Variants in ATRNL1 observed in about 807,000 individuals in gnomAD.
ATRNL1 encodes the protein attractin like 1.
A neutral mutation model predicts 182.7 loss-of-function variants in ATRNL1; 95 were observed. The ratio of observed to expected loss-of-function variants is 0.52; its 90% CI spans 0.44 to 0.62. The LOEUF is 0.62. Among genes scored for constraint, ATRNL1 ranks in the 20% least tolerant of loss-of-function variants. The probability of loss-of-function intolerance (pLI) is 0.00; values close to 1 mark genes in which losing one functional copy is unlikely to be tolerated. For missense variants in ATRNL1, 1,471 were observed against 1,679.5 expected, an observed-to-expected ratio of 0.88 and a Z score of 2.17; for synonymous variants, 576 against 568.3, an observed-to-expected ratio of 1.01 and a Z score of -0.19.
chr10:115,610,418 T>A (rs1857096009), intron 26 of ATRNL1, among the ~76,000 whole-genome samples: 1 of 152,210 alleles, frequency 6.6e-6, no homozygotes, highest in African/African-American at 2.4e-5. Context: ...TCTTGGTAGC[T>A]TATTTCTATA....
At chr10:115,887,889 G>T (rs1951987898) in intron 28 of ATRNL1, among the ~76,000 whole-genome samples, 1 of 151,912 alleles carries the variant, frequency 6.6e-6, no homozygotes, top group Non-Finnish European at 1.5e-5. Flanking sequence ...TGGATATTTT[G>T]CAGTATCTTC....
rs537021858 is a variant in ATRNL1 at position 115,170,960 on chromosome 10, T to G, written c.1093-77T>G. The G allele has an allele frequency of 3.3e-4, 301 of 912,004 alleles. 3 individuals are homozygous for G. In the African/African-American group the frequency reaches 3.9e-3, roughly 12 times the overall value. The allele number at this position is 912,004 out of a possible 1,614,324, so 56.5% of individuals were successfully genotyped here. A position where few individuals can be genotyped will look rare whatever the true frequency, so the allele number is the denominator to read the frequency against. On this transcript the variant is annotated intron_variant, in intron 7 of 28. Transcript: ENST00000355044. Reference sequence around the variant, plus strand: ...ACAATTACTAAAATTTTATGTAAATTTAACCTTTATTTTTAATTAATATGT... The same window carrying G: ...ACAATTACTAAAATTTTATGTAAATGTAACCTTTATTTTTAATTAATATGT...
At chr10:115,266,130 T>A (rs1461471753) in intron 11 of ATRNL1, among the ~76,000 whole-genome samples, 1 of 151,844 alleles carries the variant, frequency 6.6e-6, no homozygotes, top group Non-Finnish European at 1.5e-5. Flanking sequence ...CTTTTTTGAC[T>A]GATTCAATTT....
chr10:115,565,940 T>C (rs1555001638), intron 26 of ATRNL1, among the ~76,000 whole-genome samples: 1 of 152,164 alleles, frequency 6.6e-6, no homozygotes, highest in East Asian at 1.9e-4. Flanking sequence ...ATTGTTTGAG[T>C]AAAAGTGTTA....
chr10:115,502,191 A>G (rs1345907847), intron 24 of ATRNL1, among the ~76,000 whole-genome samples: 1 of 152,164 alleles, frequency 6.6e-6, no homozygotes, highest in Non-Finnish European at 1.5e-5. Flanking sequence ...TATTTATACA[A>G]ATACAGCTCA....
In ATRNL1 at chr10:115,296,958, G is replaced by T. The variant is rs558175032; in HGVS notation, c.2416-3076G>T. ...ACAATTCTACTGAAATGTGATAATT[G>T]CAATGATAGATGCACACAGGGTGCT... On this transcript the variant is annotated intron_variant, in intron 15 of 28. Transcript: ENST00000355044. 1.8e-4 allele frequency among the ~76,000 whole-genome samples: 27 copies of T among 152,298 alleles called. No homozygotes were observed. The South Asian group carries it at 5.4e-3, about 30-fold the overall frequency.
chr10:115,828,760 C>T (rs1950495618), intron 27 of ATRNL1, among the ~76,000 whole-genome samples: 2 of 152,086 alleles, frequency 1.3e-5, no homozygotes, highest in African/African-American at 4.8e-5. Flanking sequence ...TATTAAATGG[C>T]TGCCAAGTTT....
At chr10:115,105,715 G>A (rs1306107534) in intron 1 of ATRNL1, among the ~76,000 whole-genome samples, 3 of 152,234 alleles carry the variant, frequency 2.0e-5, no homozygotes, top group African/African-American at 7.2e-5. Flanking sequence ...TGGCTTCAGA[G>A]GGTGCAAGCT....
At chr10:115,912,821 A>C (rs1952724498) in intron 28 of ATRNL1, among the ~76,000 whole-genome samples, 1 of 152,218 alleles carries the variant, frequency 6.6e-6, no homozygotes, top group Non-Finnish European at 1.5e-5. Context: ...ATCACTCTTC[A>C]TATGGTAGAA....
Position 115,496,461 on chromosome 10 carries a change from T to A in ATRNL1, c.3655-22802T>A, listed in dbSNP as rs573065699. On this transcript the variant is annotated intron_variant, in intron 24 of 28. Transcript: ENST00000355044. ...GCTTATGAAGGAATATTTGGTTTAA[T>A]TGAAAGCTTTTTCTCTATATATTCA... 1.6e-4 allele frequency among the ~76,000 whole-genome samples: 24 copies of A among 152,314 alleles called. 1 individual carries two copies. In the South Asian group the frequency reaches 4.8e-3, roughly 30 times the overall value.
Position 115,847,895 on chromosome 10 carries a change from G to A in ATRNL1, c.3922G>A (p.Ala1308Thr), listed in dbSNP as rs1555099267. 6.2e-7 allele frequency: 1 copy of A among 1,610,884 alleles called. No homozygotes were observed. Among genetic ancestry groups the A allele is most frequent in the South Asian group, 1.1e-5 (1 of 90,978 alleles). Reference sequence around the variant, plus strand: ...TTTTCAGGGGGCACCCAAGCCAATTGCCATTGAACCATGTGCTGGGAACAG... The same window carrying A: ...TTTTCAGGGGGCACCCAAGCCAATTACCATTGAACCATGTGCTGGGAACAG... ...GPLEGAPKPI[A>T]IEPCAGNRAA... Residue 1308 changes from alanine (A) to threonine (T), a missense_variant, in exon 28 of 29, where the codon GCC becomes ACC. Ala to Thr is a moderately conservative substitution (Grantham distance 58). This residue lies in a region of ATRNL1 where 437 missense variants were observed against 506.0 expected (regional missense o/e 0.86). Transcript: ENST00000355044.
chr10:115,713,443 C>CTG (rs140348673), intron 26 of ATRNL1, among the ~76,000 whole-genome samples: 46 of 117,928 alleles, frequency 3.9e-4, no homozygotes, highest in African/African-American at 1.0e-3. Flanking sequence ...GGGAAAGTGG[C>CTG]TGTGTGTGTG....
intron 19 of ATRNL1, among the ~76,000 whole-genome samples, chr10:115,389,893 C>G (rs1181903313): frequency 6.6e-6 from 1 of 151,958 alleles, no homozygotes; most frequent in African/African-American, 2.4e-5. Context: ...GCCACTTAAA[C>G]ACGTGTGAGG....
At chr10:115,325,898 T>C (rs1331217987) in intron 18 of ATRNL1, among the ~76,000 whole-genome samples, 1 of 152,130 alleles carries the variant, frequency 6.6e-6, no homozygotes. Context: ...TTAAAACTTT[T>C]TTTTTTTTAA....
At chr10:115,605,638 C>A (rs11197346) in intron 26 of ATRNL1, among the ~76,000 whole-genome samples, 60,713 of 151,620 alleles carry the variant, frequency 0.4, 12,960 homozygotes, top group Middle Eastern at 0.49. Flanking sequence ...AGTCAAAGAT[C>A]ATCTTGTATT....
At position 115,583,363 on chromosome 10, in the gene ATRNL1, T is replaced by A. The variant is rs1855264229; in HGVS notation, c.3795+33827T>A. Among the ~76,000 whole-genome samples, 4 of 109,880 alleles carry A rather than the reference T, an allele frequency of 3.6e-5. 2 individuals are homozygous for A. The Admixed American group carries it at 4.4e-4, about 12-fold the overall frequency. The allele number at this position is 109,880 out of a possible 152,430, so 72.1% of individuals were successfully genotyped here. ...GGCAGTATGGCCATTTTCACGATAT[T>A]GATTCTTCCTACCCATGAGCATGGA... On this transcript the variant is annotated intron_variant, in intron 26 of 28. Transcript: ENST00000355044.
intron 26 of ATRNL1, among the ~76,000 whole-genome samples, chr10:115,619,178 C>T (rs1476813364): frequency 2.6e-5 from 4 of 152,020 alleles, no homozygotes; most frequent in Admixed American, 6.5e-5. Flanking sequence ...GGACATCAGG[C>T]AGGCCAATCC....
Position 115,437,612 on chromosome 10 carries a change from T to C in ATRNL1, c.3322+11310T>C, listed in dbSNP as rs372539354. 1.2e-4 allele frequency among the ~76,000 whole-genome samples: 18 copies of C among 152,170 alleles called. No homozygotes were observed. The South Asian group carries it at 3.7e-3, about 32-fold the overall frequency. On this transcript the variant is annotated intron_variant, in intron 21 of 28. Coordinates refer to ENST00000355044, the MANE Select transcript of ATRNL1 (RefSeq NM_207303.4). ...TAATCGTACCATTGTTTAAATGTTT[T>C]TGGACTCTCGATATTGTTGTCAAAG...
intron 28 of ATRNL1, among the ~76,000 whole-genome samples, chr10:115,912,535 G>A (rs1312338695): frequency 2.0e-5 from 3 of 151,942 alleles, no homozygotes; most frequent in South Asian, 2.1e-4. Flanking sequence ...TGTATCAAGA[G>A]CTTCAAAAGA....
Sources: gnomAD v4.1 joint callset for allele counts (sites outside exome capture counted in the v4.1 genomes callset) on GRCh38, gnomAD v4.1.1 for gene constraint, gnomAD v4.1.1 regional missense constraint, MANE v1.5 for transcripts, NCBI Gene and HGNC (gene_info 2026-07-23, HGNC 2026-07-21) for gene names.